Variants in SHPRH observed in about 807,000 individuals in gnomAD.
SHPRH encodes E3 ubiquitin-protein ligase SHPRH.
A neutral mutation model predicts 202.5 loss-of-function variants in SHPRH; 106 were observed. The ratio of observed to expected loss-of-function variants is 0.52; its 90% CI spans 0.45 to 0.62. SHPRH has a LOEUF of 0.62. Ranked by LOEUF, SHPRH falls within the 20% of genes least tolerant of loss-of-function variation. SHPRH has a pLI of 0.00. For missense variants in SHPRH, 1,710 were observed against 2,020.0 expected, an observed-to-expected ratio of 0.85 and a Z score of 2.94; for synonymous variants, 729 against 686.0, an observed-to-expected ratio of 1.06 and a Z score of -0.98.
chr6:145,890,248 C>T (rs2244003), intron 28 of SHPRH, among the ~76,000 whole-genome samples: 147,657 of 152,336 alleles, frequency 0.97, 71,586 homozygotes, highest in East Asian at 1. Context: ...CTTCTACTAG[C>T]TGCCTGACTA....
intron 28 of SHPRH, among the ~76,000 whole-genome samples, chr6:145,888,505 A>G (rs1781302706): frequency 1.3e-5 from 2 of 152,182 alleles, no homozygotes; most frequent in African/African-American, 4.8e-5. Flanking sequence ...GGCCAAAAGA[A>G]GGCTGGCATG....
At chr6:145,891,947 C>T (rs896082717) in intron 28 of SHPRH, among the ~76,000 whole-genome samples, 8 of 152,136 alleles carry the variant, frequency 5.3e-5, no homozygotes, top group African/African-American at 1.9e-4. Flanking sequence ...GACATGACTG[C>T]ATTTTAAATG....
chr6:145,941,653 T>C lies in SHPRH; in HGVS notation c.2460A>G (p.Glu820=). The change falls in exon 10 of 30, where the codon GAA becomes GAG. Residue 820 remains glutamate (E), a synonymous_variant. Transcript: ENST00000275233. ...AVEWWRICLD[E]AQMVECPTVK... ...CTGTGGGACACTCAACCATCTGAGCTTCATCAAGGCAGATCCTCCACCACT... is the reference window on the plus strand; with the variant it reads ...CTGTGGGACACTCAACCATCTGAGCCTCATCAAGGCAGATCCTCCACCACT... 6.2e-7 allele frequency: 1 copy of C among 1,613,992 alleles called. No homozygotes were observed. Among genetic ancestry groups the C allele is most frequent in the South Asian group, 1.1e-5 (1 of 91,082 alleles).
Position 145,865,746 on chromosome 6 carries a change from T to A in SHPRH, c.222-1255A>T, listed in dbSNP as rs370808722. 1.1e-4 allele frequency among the ~76,000 whole-genome samples: 17 copies of A among 152,332 alleles called. No individual in the cohort carries two copies. In the East Asian group the frequency reaches 3.3e-3, roughly 29 times the overall value. ...TCTCCAAGAGTTGGGTTCAGCTGCA[T>A]CTTGGCTTACTGGCTGCCTCAGTGA... On this transcript the variant is annotated intron_variant, in intron 2 of 2. Transcript: ENST00000417762.
chr6:145,931,714 G>A lies in SHPRH; in HGVS notation c.3112+1343C>T, dbSNP rs564646071. Among the ~76,000 whole-genome samples the A allele has an allele frequency of 7.2e-5, 11 of 152,170 alleles. No homozygotes were observed. In the East Asian group the frequency reaches 1.4e-3, roughly 19 times the overall value. ...CTTGTTGTATGTTGAAGTGGTGGCTGTAGGGTGCACATTCTTTGCCTTGTC... is the reference window on the plus strand; with the variant it reads ...CTTGTTGTATGTTGAAGTGGTGGCTATAGGGTGCACATTCTTTGCCTTGTC... On this transcript the variant is annotated intron_variant, in intron 14 of 29. Coordinates refer to ENST00000275233, the MANE Select transcript of SHPRH (RefSeq NM_001042683.3).
intron 2 of SHPRH, among the ~76,000 whole-genome samples, chr6:145,876,215 T>G (rs575138861): frequency 1.8e-4 from 27 of 152,182 alleles, no homozygotes; most frequent in African/African-American, 6.0e-4. Context: ...CTCTAAAGAT[T>G]TGCCTGTTCT....
rs373868448 is a variant in SHPRH at position 145,926,245 on chromosome 6, C to T, written c.3253G>A (p.Gly1085Arg). 5 of 1,612,848 alleles carry T rather than the reference C, an allele frequency of 3.1e-6. No individual in the cohort carries two copies. The highest frequency in any genetic ancestry group is 1.3e-5 in the African/African-American group (1 of 74,816). The change falls in exon 16 of 30, where the codon GGG becomes AGG. Residue 1085 changes from glycine to arginine, a missense_variant. Gly to Arg is a moderately radical substitution (Grantham distance 125). Around this residue, in one of 8 missense-constraint regions of SHPRH, gnomAD observed 288 missense variants for 317.8 expected, o/e 0.91. Coordinates refer to ENST00000275233, the MANE Select transcript of SHPRH (RefSeq NM_001042683.3). ...CCATCACGCAAGGTAGGTGGTATCCCTGGGTGCCTGGCTATCAACAATTCC... is the reference window on the plus strand; with the variant it reads ...CCATCACGCAAGGTAGGTGGTATCCTTGGGTGCCTGGCTATCAACAATTCC... Reference protein sequence around the residue: ...LMELLIARHPGIPPTLRDGRL... With the variant: ...LMELLIARHPRIPPTLRDGRL...
At chr6:145,930,169 C>G (rs754790899) in intron 14 of SHPRH, among the ~76,000 whole-genome samples, 16 of 152,110 alleles carry the variant, frequency 1.1e-4, no homozygotes, top group Non-Finnish European at 2.1e-4. Flanking sequence ...ATAAGAGACA[C>G]TTTCCATTTC....
At chr6:145,889,633 A>C (rs1781414591) in intron 28 of SHPRH, among the ~76,000 whole-genome samples, 1 of 152,180 alleles carries the variant, frequency 6.6e-6, no homozygotes, top group Admixed American at 6.5e-5. Flanking sequence ...TTTGTATATG[A>C]AACATAAATA....
Position 145,945,418 on chromosome 6 carries a change from T to G in SHPRH, c.1541A>C (p.Tyr514Ser), listed in dbSNP as rs780773805. ...FSGTFTLGKN[Y>S]KEEDICDKTK... ...TTTATCACATATATCCTCTTCCTTG[T>G]AATTCTTTCCCAATGTAAAAGTCCC... The change falls in exon 8 of 30, where the codon TAC becomes TCC. Residue 514 changes from tyrosine (Y) to serine (S), a missense_variant. Physicochemically the swap from Tyr to Ser is moderately radical, Grantham distance 144. Coordinates refer to ENST00000275233, the MANE Select transcript of SHPRH (RefSeq NM_001042683.3). The G allele has an allele frequency of 3.1e-6, 5 of 1,612,786 alleles. No individual in the cohort carries two copies. The South Asian group carries it at 4.4e-5, about 14-fold the overall frequency.
At chr6:145,946,134 C>T (rs996321403) in intron 7 of SHPRH, 99 bp downstream of exon 7, 19 of 809,790 alleles carry the variant, frequency 2.3e-5, no homozygotes, top group East Asian at 1.5e-4. Flanking sequence ...ACTGTAAAAA[C>T]AATTGTTTAT....
Position 145,964,078 on chromosome 6 carries a change from T to G in SHPRH, c.-380A>C, listed in dbSNP as rs111939121. 1,213 of 152,436 alleles carry G rather than the reference T, an allele frequency of 8.0e-3. 11 individuals carry two copies. The highest frequency in any genetic ancestry group is 0.028 in the African/African-American group (1,148 of 41,556). The allele number at this position is 152,436 out of a possible 1,614,324, so 9.4% of individuals were successfully genotyped here. A position where few individuals can be genotyped will look rare whatever the true frequency, so the allele number is the denominator to read the frequency against. ...CAGGACAACCAGCGTCCTCCCTCCC[T>G]GGTCCCGGAGGCCAAAGACCACCTC... On this transcript the variant is annotated 5_prime_UTR_variant, in exon 1 of 30. Transcript: ENST00000275233.
intron 23 of SHPRH, among the ~76,000 whole-genome samples, chr6:145,915,150 TATAA>T (rs1307509023): frequency 1.4e-5 from 2 of 147,562 alleles, no homozygotes; most frequent in Admixed American, 6.8e-5. Context: ...TTGGCAGAAT[TATAA>T]ATATATAATT....
Position 145,943,775 on chromosome 6 carries a change from T to G in SHPRH, c.1606A>C (p.Lys536Gln). 6.3e-7 allele frequency: 1 copy of G among 1,587,880 alleles called. No homozygotes were observed. Among genetic ancestry groups the G allele is most frequent in the Non-Finnish European group, 8.5e-7 (1 of 1,172,000 alleles). ...TTGTTCCCTGATTTTCTAGTTTCTT[T>G]CTGAATTTTCCTTGGACTCCCTACT... is the stretch of plus-strand genomic sequence containing the variant. ...QAVGSPRKIQ[K>Q]ETRKSGNKDT... The change falls in exon 9 of 30, where the codon AAA becomes CAA. Residue 536 changes from lysine (K) to glutamine (Q), a missense_variant. Transcript: ENST00000275233.
intron 22 of SHPRH, chr6:145,918,446 G>C (rs1784141035): frequency 3.2e-6 from 1 of 310,318 alleles, no homozygotes; most frequent in Non-Finnish European, 5.7e-6. Context: ...TCAATGCAGA[G>C]TTCTTTTAAA....
chr6:145,872,941 C>T (rs923463167), intron 2 of SHPRH, among the ~76,000 whole-genome samples: 1 of 152,096 alleles, frequency 6.6e-6, no homozygotes, highest in Non-Finnish European at 1.5e-5. Flanking sequence ...GAACAGAAAA[C>T]CAAATACTGC....
At chr6:145,943,121 T>G in intron 9 of SHPRH, 22 bp downstream of exon 9, 1 of 1,539,930 alleles carries the variant, frequency 6.5e-7, no homozygotes, top group Non-Finnish European at 8.7e-7. Flanking sequence ...TTCCTCTCCC[T>G]CTTTAGTCCA....
chr6:145,941,891 A>G lies in SHPRH; in HGVS notation c.2239-17T>C. On this transcript the variant is annotated splice_polypyrimidine_tract_variant and intron_variant, in intron 9 of 29. Transcript: ENST00000275233. ...TTGATATACCTAGGAAATAATCAAT[A>G]CAGGCAGTTATTGCAAAAAGGCTCA... 2 of 1,609,856 alleles carry G rather than the reference A, an allele frequency of 1.2e-6. No individual in the cohort carries two copies. The highest frequency in any genetic ancestry group is 4.5e-5 in the East Asian group (2 of 44,822).
chr6:145,912,266 G>GA (rs10712754), intron 24 of SHPRH, among the ~76,000 whole-genome samples: 149 of 149,752 alleles, frequency 9.9e-4, no homozygotes, highest in Middle Eastern at 3.4e-3. Context: ...ATCCAAAAAG[G>GA]AAAAAAAAAT....
Sources: gnomAD v4.1 joint callset for allele counts (sites outside exome capture counted in the v4.1 genomes callset) on GRCh38, gnomAD v4.1.1 for gene constraint, gnomAD v4.1.1 regional missense constraint, MANE v1.5 for transcripts, NCBI Gene and HGNC (gene_info 2026-07-23, HGNC 2026-07-21) for gene names.